SASH1: variants seen among roughly 807,000 people sequenced by gnomAD.
SASH1 encodes the protein SAM and SH3 domain containing 1, also known as SAM and SH3 domain-containing protein 1.
SASH1 carries 44 observed loss-of-function variants against 125.2 expected under a neutral mutation model. The ratio of observed to expected loss-of-function variants is 0.35; its 90% confidence interval spans 0.28 to 0.45. The LOEUF (loss-of-function observed/expected upper bound fraction) is 0.45, where lower values mean the gene tolerates loss of function less well. Ranked by LOEUF, SASH1 falls within the 20% of genes least tolerant of loss-of-function variation. The pLI, the probability that SASH1 is intolerant of heterozygous loss-of-function variation, is 1.00. For missense variants in SASH1, 1,426 were observed against 1,614.5 expected (o/e 0.88, Z 2.00); for synonymous variants, 639 against 649.1 (o/e 0.98, Z 0.24).
the SASH1 span, among the ~76,000 whole-genome samples, chr6:148,207,528 G>A: frequency 2.0e-5 from 3 of 152,122 alleles, no homozygotes; most frequent in African/African-American, 2.4e-5. Flanking sequence ...TACTTAAGCT[G>A]TTATTAGTTG....
intron 1 of SASH1, among the ~76,000 whole-genome samples, chr6:148,313,236 C>T (rs1292900225): frequency 6.6e-6 from 1 of 152,140 alleles, no homozygotes; most frequent in Non-Finnish European, 1.5e-5. Flanking sequence ...TGGAAAAGAG[C>T]TTTCATAATC....
chr6:148,533,838 A>G lies in SASH1; in HGVS notation c.1802A>G (p.Lys601Arg), dbSNP rs1583316551. Reference sequence around the variant, plus strand: ...ACCTGGATGGGCCTGCTGAACAACAAAGTCGGCACGTTCAAGTTCATCTAC... The same window carrying G: ...ACCTGGATGGGCCTGCTGAACAACAGAGTCGGCACGTTCAAGTTCATCTAC... ...MGTWMGLLNNKVGTFKFIYVD... is the reference protein window; with the variant it reads ...MGTWMGLLNNRVGTFKFIYVD... Residue 601 changes from lysine (K) to arginine (R), a missense_variant, in exon 15 of 20, where the codon AAA (lysine) becomes AGA (arginine). Transcript: ENST00000367467. The surrounding 1 kb of genome is among the most constrained non-coding windows in gnomAD (Gnocchi z 6.2). The G allele has an allele frequency of 6.2e-7, 1 of 1,613,936 alleles. No individual in the cohort carries two copies. Among genetic ancestry groups the G allele is most frequent in the Non-Finnish European group, 8.5e-7 (1 of 1,179,966 alleles).
chr6:148,445,546 C>T (rs776475634), intron 4 of SASH1, among the ~76,000 whole-genome samples: 5 of 152,212 alleles, frequency 3.3e-5, no homozygotes, highest in Non-Finnish European at 7.3e-5. Flanking sequence ...TCCTTAGACA[C>T]ATCTGAGTTC....
intron 8 of SASH1, chr6:148,513,262 A>G (rs1168902797): frequency 4.1e-6 from 4 of 985,266 alleles, no homozygotes; most frequent in Non-Finnish European, 4.8e-6. Context: ...CTACTGTTCC[A>G]TGAACTGGGT....
At chr6:148,263,015 G>A in the SASH1 span, among the ~76,000 whole-genome samples, 1 of 152,156 alleles carries the variant, frequency 6.6e-6, no homozygotes, top group Non-Finnish European at 1.5e-5. Flanking sequence ...ACCTCTGGGG[G>A]AGGCAATGGA....
Position 148,544,260 on chromosome 6 carries a change from A to G in SASH1, c.2790A>G (p.Arg930=), listed in dbSNP as rs1455744971. The G allele has an allele frequency of 1.2e-6, 2 of 1,614,010 alleles. No homozygotes were observed. The highest frequency in any genetic ancestry group is 1.7e-6 in the Non-Finnish European group (2 of 1,180,032). The stretch of plus-strand genomic sequence containing the variant: ...TGTCACCCCCTCAGTGTTTGCCCAG[A>G]AACTATGATGCTCAGCCTCCTGGAG... The part of the protein sequence containing the change: ...RGLSPPQCLP[R]NYDAQPPGAK... The change falls in exon 18 of 20, where the codon AGA becomes AGG. Residue 930 remains arginine (R), a synonymous_variant. Coordinates refer to ENST00000367467, the MANE Select transcript of SASH1 (RefSeq NM_015278.5). The surrounding 1 kb of genome is among the most constrained non-coding windows in gnomAD (Gnocchi z 6.4).
chr6:148,309,118 A>G (rs942037186), intron 1 of SASH1, among the ~76,000 whole-genome samples: 4 of 149,370 alleles, frequency 2.7e-5, no homozygotes, highest in African/African-American at 9.9e-5. Context: ...CTCTTTCTCT[A>G]AATGGTCCCA....
At chr6:148,210,820 G>C in the SASH1 span, among the ~76,000 whole-genome samples, 1 of 152,114 alleles carries the variant, frequency 6.6e-6, no homozygotes, top group African/African-American at 2.4e-5. Context: ...GAAGATTTGT[G>C]ACAAAGGTAT....
the SASH1 span, among the ~76,000 whole-genome samples, chr6:148,223,891 G>T: frequency 6.6e-6 from 1 of 152,094 alleles, no homozygotes; most frequent in Non-Finnish European, 1.5e-5. Flanking sequence ...ATACTGCTTT[G>T]GCTCTTTGGA....
chr6:148,416,646 C>T (rs561518225), intron 2 of SASH1, among the ~76,000 whole-genome samples: 133 of 152,282 alleles, frequency 8.7e-4, no homozygotes, highest in African/African-American at 3.1e-3. Context: ...GCCACCAGCT[C>T]AGAACAGTGG....
chr6:148,319,814 C>T (rs1292656663), intron 1 of SASH1, among the ~76,000 whole-genome samples: 2 of 151,992 alleles, frequency 1.3e-5, no homozygotes, highest in Non-Finnish European at 2.9e-5. Context: ...GCACCCGGCC[C>T]GATGTATAAG....
chr6:148,489,348 A>G (rs1279012649), intron 8 of SASH1, among the ~76,000 whole-genome samples: 3 of 152,146 alleles, frequency 2.0e-5, no homozygotes, highest in African/African-American at 7.2e-5. Flanking sequence ...TTGCTAGTAC[A>G]ATGCTGTTTT....
At chr6:148,395,712 C>T (rs948794845) in intron 2 of SASH1, among the ~76,000 whole-genome samples, 3 of 152,174 alleles carry the variant, frequency 2.0e-5, no homozygotes, top group African/African-American at 7.2e-5. Flanking sequence ...CCATATCTCT[C>T]CACATTTGGC....
At chr6:148,539,631 T>C (rs1782095839) in intron 16 of SASH1, among the ~76,000 whole-genome samples, 1 of 152,228 alleles carries the variant, frequency 6.6e-6, no homozygotes, top group Admixed American at 6.5e-5. Context: ...AGTCATCCAT[T>C]TATCTATACC....
the SASH1 span, among the ~76,000 whole-genome samples, chr6:148,210,733 A>G: frequency 6.6e-6 from 1 of 152,172 alleles, no homozygotes; most frequent in African/African-American, 2.4e-5. Context: ...AAAGCCTTTC[A>G]GAGTTAGTTT....
chr6:148,211,815 C>T, the SASH1 span, among the ~76,000 whole-genome samples: 1 of 152,162 alleles, frequency 6.6e-6, no homozygotes, highest in Non-Finnish European at 1.5e-5. Flanking sequence ...CCTGTGACGG[C>T]TGCTCCCTGT....
At chr6:148,292,352 G>T (rs544024851) in intron 1 of SASH1, among the ~76,000 whole-genome samples, 1 of 152,150 alleles carries the variant, frequency 6.6e-6, no homozygotes, top group Admixed American at 6.5e-5. Context: ...CATTTGCCTA[G>T]GGGCTCCCGA....
intron 4 of SASH1, among the ~76,000 whole-genome samples, chr6:148,447,357 A>G (rs1357918233): frequency 1.3e-5 from 2 of 152,222 alleles, no homozygotes; most frequent in African/African-American, 4.8e-5. Flanking sequence ...TAGTTTATAA[A>G]TGTTCTCTGC....
intron 9 of SASH1, among the ~76,000 whole-genome samples, chr6:148,516,429 G>T (rs988911180): frequency 2.0e-5 from 3 of 152,160 alleles, no homozygotes; most frequent in African/African-American, 7.2e-5. Context: ...TGGTACTTGG[G>T]AGAGGCTATC....
Sources: allele counts gnomAD v4.1 joint callset (sites outside exome capture counted in the v4.1 genomes callset), GRCh38; gene constraint gnomAD v4.1.1; non-coding constraint Gnocchi (gnomAD v3.1); transcripts MANE v1.5; gene names NCBI Gene and HGNC (gene_info 2026-07-23, HGNC 2026-07-21).